TTC28: variants seen among roughly 807,000 people sequenced by gnomAD.
The protein encoded by TTC28 is tetratricopeptide repeat domain 28.
Under a neutral mutation model 198.0 loss-of-function variants are expected in TTC28, and 61 were observed. The ratio of observed to expected loss-of-function variants is 0.31; its 90% CI spans 0.25 to 0.38. TTC28 has a LOEUF of 0.38. Ranked by LOEUF, TTC28 falls within the 10% of genes least tolerant of loss-of-function variation. The probability of loss-of-function intolerance (pLI) is 1.00; values close to 1 mark genes in which losing one functional copy is unlikely to be tolerated. For missense variants in TTC28, 2,678 were observed against 3,164.0 expected, an observed-to-expected ratio of 0.85 and a Z score of 3.69; for synonymous variants, 1,171 against 1,297.8, an observed-to-expected ratio of 0.90 and a Z score of 2.10.
chr22:28,529,854 A>G (rs756360483), intron 2 of TTC28, among the ~76,000 whole-genome samples: 1 of 152,184 alleles, frequency 6.6e-6, no homozygotes, highest in Non-Finnish European at 1.5e-5. Context: ...GACTGTTAGA[A>G]GGAAAACTAA....
chr22:28,301,622 GA>G (rs1304747255), intron 3 of TTC28, among the ~76,000 whole-genome samples: 1 of 152,160 alleles, frequency 6.6e-6, no homozygotes. Flanking sequence ...TAATACCTCT[GA>G]AATCAACAGT....
intron 5 of TTC28, among the ~76,000 whole-genome samples, chr22:28,180,262 T>A (rs939386793): frequency 3.3e-5 from 5 of 152,198 alleles, no homozygotes; most frequent in African/African-American, 9.7e-5. Flanking sequence ...GGTTAAATAA[T>A]GTTCATAAAC....
intron 2 of TTC28, among the ~76,000 whole-genome samples, chr22:28,421,347 TAAC>T (rs2047250234): frequency 6.6e-6 from 1 of 152,124 alleles, no homozygotes; most frequent in Non-Finnish European, 1.5e-5. Flanking sequence ...AAAAAACAAA[TAAC>T]AAAGTGAAAT....
chr22:28,025,624 A>T (rs1938800699), intron 13 of TTC28, among the ~76,000 whole-genome samples: 1 of 152,196 alleles, frequency 6.6e-6, no homozygotes, highest in Non-Finnish European at 1.5e-5. Flanking sequence ...ACTCACAAGG[A>T]TCCCAGCATT....
At chr22:28,014,199 G>T in intron 14 of TTC28, 49 bp downstream of exon 14, 1 of 1,516,124 alleles carries the variant, frequency 6.6e-7, no homozygotes, top group Non-Finnish European at 8.9e-7. Context: ...TGACTGGTAA[G>T]CGATGTGTTC....
intron 12 of TTC28, among the ~76,000 whole-genome samples, chr22:28,050,706 C>G (rs1002723844): frequency 6.6e-6 from 1 of 151,984 alleles, no homozygotes; most frequent in African/African-American, 2.4e-5. Context: ...CCAAATGACC[C>G]CTTTAACAAA....
At position 28,565,467 on chromosome 22, in the gene TTC28, A is replaced by G. The variant is rs937490758; in HGVS notation, c.381+64085T>C. Among the ~76,000 whole-genome samples the G allele has an allele frequency of 7.9e-5, 12 of 152,334 alleles. No homozygotes were observed. The East Asian group carries it at 2.3e-3, about 29-fold the overall frequency. The stretch of plus-strand genomic sequence containing the variant: ...ATTCACATAATCCATCTTTCAAAGA[A>G]CGAGATCAAATCCAAGAGTTCCCAA... On this transcript the variant is annotated intron_variant, in intron 2 of 22. Transcript: ENST00000397906.
At chr22:28,439,103 A>G (rs1345571034) in intron 2 of TTC28, among the ~76,000 whole-genome samples, 1 of 152,260 alleles carries the variant, frequency 6.6e-6, no homozygotes, top group Non-Finnish European at 1.5e-5. Flanking sequence ...TTTCATAACA[A>G]ATAAGTATAT....
chr22:28,039,259 T>G (rs573783449), intron 12 of TTC28, among the ~76,000 whole-genome samples: 7 of 152,216 alleles, frequency 4.6e-5, no homozygotes, highest in African/African-American at 1.7e-4. Flanking sequence ...AGCAAACACT[T>G]GGAACCAACC....
intron 12 of TTC28, among the ~76,000 whole-genome samples, chr22:28,032,986 G>A (rs1939193979): frequency 6.6e-6 from 1 of 152,208 alleles, no homozygotes; most frequent in South Asian, 2.1e-4. Flanking sequence ...GCCCTTCACA[G>A]AGACCCTGGT....
At chr22:28,039,921 C>G (rs1243858248) in intron 12 of TTC28, among the ~76,000 whole-genome samples, 1 of 152,132 alleles carries the variant, frequency 6.6e-6, no homozygotes, top group Non-Finnish European at 1.5e-5. Flanking sequence ...CTGGATCCCA[C>G]AGAAATACAA....
intron 5 of TTC28, among the ~76,000 whole-genome samples, chr22:28,256,116 T>C (rs1278984359): frequency 6.6e-6 from 1 of 150,884 alleles, no homozygotes; most frequent in Non-Finnish European, 1.5e-5. Flanking sequence ...GGTTGAGGCC[T>C]TTTAAAAAAA....
intron 5 of TTC28, among the ~76,000 whole-genome samples, chr22:28,279,622 G>A (rs1020339341): frequency 4.6e-5 from 7 of 152,050 alleles, no homozygotes; most frequent in African/African-American, 1.7e-4. Context: ...CACCCACCTG[G>A]GCCTCCCAAA....
intron 2 of TTC28, among the ~76,000 whole-genome samples, chr22:28,526,313 T>G (rs1009071599): frequency 6.6e-6 from 1 of 152,200 alleles, no homozygotes; most frequent in Non-Finnish European, 1.5e-5. Flanking sequence ...TTAAATTTTT[T>G]TCGATAATAA....
intron 12 of TTC28, among the ~76,000 whole-genome samples, chr22:28,086,452 T>C (rs1279911675): frequency 6.6e-6 from 1 of 152,128 alleles, no homozygotes; most frequent in Non-Finnish European, 1.5e-5. Flanking sequence ...ATAAAGATGT[T>C]CTTTGAAACC....
chr22:28,586,857 A>G (rs1192354704), intron 2 of TTC28, among the ~76,000 whole-genome samples: 1 of 152,214 alleles, frequency 6.6e-6, no homozygotes, highest in Non-Finnish European at 1.5e-5. Context: ...TATTTTGTAT[A>G]AATAATACAA....
chr22:28,281,704 AT>A (rs1194976269), intron 5 of TTC28, among the ~76,000 whole-genome samples: 1 of 152,238 alleles, frequency 6.6e-6, no homozygotes, highest in African/African-American at 2.4e-5. Context: ...TTGTTATATT[AT>A]TCTATACAAT....
intron 5 of TTC28, among the ~76,000 whole-genome samples, chr22:28,233,233 A>G (rs1375031055): frequency 2.0e-5 from 3 of 152,204 alleles, no homozygotes; most frequent in Admixed American, 1.3e-4. Flanking sequence ...AAAATCAAGT[A>G]TACTGGTAGA....
At chr22:28,390,496 CT>C (rs2046699493) in intron 2 of TTC28, among the ~76,000 whole-genome samples, 1 of 152,128 alleles carries the variant, frequency 6.6e-6, no homozygotes, top group South Asian at 2.1e-4. Flanking sequence ...TTGTAGGTCG[CT>C]CAGGACTTGC....
Sources: allele counts gnomAD v4.1 joint callset (sites outside exome capture counted in the v4.1 genomes callset), GRCh38; gene constraint gnomAD v4.1.1; transcripts MANE v1.5; gene names NCBI Gene and HGNC (gene_info 2026-07-23, HGNC 2026-07-21).